C10orf67: variants seen among roughly 807,000 people sequenced by gnomAD.
The protein encoded by C10orf67 is chromosome 10 open reading frame 67, also known as uncharacterized protein C10orf67, mitochondrial.
In C10orf67, 60 loss-of-function variants were observed where a neutral mutation model predicts 35.6. The ratio of observed to expected loss-of-function variants is 1.68; its 90% CI spans 1.37 to 2.09. The LOEUF is 2.09. C10orf67 is among the 30% of genes most tolerant of loss of function. The pLI is 0.00. For missense variants in C10orf67, 474 were observed against 330.2 expected (o/e 1.44, Z -3.38); for synonymous variants, 167 against 115.8 (o/e 1.44, Z -2.84).
At chr10:23,288,392 T>C (rs1843609811) in intron 7 of C10orf67, among the ~76,000 whole-genome samples, 1 of 152,158 alleles carries the variant, frequency 6.6e-6, no homozygotes, top group African/African-American at 2.4e-5. Flanking sequence ...CACCGCATGT[T>C]CTCACTCATA....
chr10:23,310,900 T>C (rs1014065169), intron 4 of C10orf67, among the ~76,000 whole-genome samples: 12 of 152,192 alleles, frequency 7.9e-5, no homozygotes, highest in Non-Finnish European at 1.5e-4. Context: ...GATGATGGGC[T>C]AGTACTGGCC....
intron 7 of C10orf67, among the ~76,000 whole-genome samples, chr10:23,283,632 A>T (rs1335879405): frequency 1.3e-5 from 2 of 151,996 alleles, no homozygotes; most frequent in African/African-American, 4.8e-5. Flanking sequence ...CCTTGCCCTC[A>T]TGTTCTCTTC....
intron 7 of C10orf67, among the ~76,000 whole-genome samples, chr10:23,287,091 C>T (rs780478481): frequency 4.6e-4 from 70 of 152,256 alleles, no homozygotes; most frequent in Non-Finnish European, 8.4e-4. Flanking sequence ...CATCAAACTA[C>T]CATTGACATT....
At position 23,328,079 on chromosome 10, in the gene C10orf67, T is replaced by A. The variant is rs573921809; in HGVS notation, c.327+4983A>T. On this transcript the variant is annotated intron_variant, in intron 2 of 15. Coordinates refer to ENST00000636213, the MANE Select transcript of C10orf67 (RefSeq NM_001371909.1). ...AATTCGAGTATTTAAATTTAAATAC[T>A]AATAAAAATACTATATTTCAAAGTT... 2.4e-3 allele frequency among the ~76,000 whole-genome samples: 364 copies of A among 152,302 alleles called. 4 individuals are homozygous for A. The highest frequency in any genetic ancestry group is 7.7e-4 in the East Asian group (4 of 5,184).
intron 15 of C10orf67, among the ~76,000 whole-genome samples, chr10:23,212,833 T>C (rs1841346651): frequency 7.6e-6 from 1 of 131,678 alleles, no homozygotes; most frequent in South Asian, 2.9e-4. Flanking sequence ...GACGTAAGCA[T>C]GCAAACCTAA....
rs546095610 is a variant in C10orf67 at position 23,330,207 on chromosome 10, C to T, written c.327+2855G>A. Among the ~76,000 whole-genome samples, 14 of 152,224 alleles carry T rather than the reference C, an allele frequency of 9.2e-5. 1 individual carries two copies. In the South Asian group the frequency reaches 2.7e-3, roughly 29 times the overall value. On this transcript the variant is annotated intron_variant, in intron 2 of 15. Transcript: ENST00000636213. The stretch of plus-strand genomic sequence containing the variant: ...GTTTGGTGGCTCATGCCTGTATTCC[C>T]GACACTTTGGGAGGCCAAGGCAGGA...
At position 23,325,583 on chromosome 10, in the gene C10orf67, C is replaced by A. The variant is rs116974387; in HGVS notation, c.328-3046G>T. ...AAAACAAAACCAATAACAACAACAACAAAAAAACTTCAGCATTCTTTAGGG... is the reference window on the plus strand; with the variant it reads ...AAAACAAAACCAATAACAACAACAAAAAAAAAACTTCAGCATTCTTTAGGG... On this transcript the variant is annotated intron_variant, in intron 2 of 15. Coordinates refer to ENST00000636213, the MANE Select transcript of C10orf67 (RefSeq NM_001371909.1). 6.7e-3 allele frequency among the ~76,000 whole-genome samples: 752 copies of A among 112,848 alleles called. 6 individuals are homozygous for A. Among genetic ancestry groups the A allele is most frequent in the East Asian group, 0.044 (156 of 3,532 alleles). The allele number at this position is 112,848 out of a possible 152,430, so 74.0% of individuals were successfully genotyped here. A position where few individuals can be genotyped will look rare whatever the true frequency, so the allele number is the denominator to read the frequency against.
intron 13 of C10orf67, among the ~76,000 whole-genome samples, chr10:23,226,899 G>A (rs1841757884): frequency 6.6e-6 from 1 of 152,148 alleles, no homozygotes; most frequent in African/African-American, 2.4e-5. Flanking sequence ...GGAAGAAGTT[G>A]AATCCCTGAA....
chr10:23,217,209 C>T (rs1169892727), intron 15 of C10orf67, among the ~76,000 whole-genome samples: 1 of 152,076 alleles, frequency 6.6e-6, no homozygotes, highest in African/African-American at 2.4e-5. Flanking sequence ...ATGTGATAAG[C>T]TGAAGATTGA....
intron 15 of C10orf67, among the ~76,000 whole-genome samples, chr10:23,210,110 T>C (rs548666885): frequency 6.6e-6 from 1 of 152,026 alleles, no homozygotes; most frequent in African/African-American, 2.4e-5. Context: ...ATTTGTAAGA[T>C]TCTGGTGACC....
intron 15 of C10orf67, among the ~76,000 whole-genome samples, chr10:23,211,819 G>A (rs191085549): frequency 6.6e-6 from 1 of 152,294 alleles, no homozygotes; most frequent in East Asian, 1.9e-4. Context: ...GGTATAGTGA[G>A]TTCATGATTT....
At chr10:23,285,741 C>A (rs1352084093) in intron 7 of C10orf67, among the ~76,000 whole-genome samples, 1 of 152,150 alleles carries the variant, frequency 6.6e-6, no homozygotes, top group Non-Finnish European at 1.5e-5. Flanking sequence ...TCCAAGTTAT[C>A]AAAAATATAC....
chr10:23,270,699 G>A (rs1180100643), intron 8 of C10orf67, among the ~76,000 whole-genome samples: 1 of 152,260 alleles, frequency 6.6e-6, no homozygotes, highest in African/African-American at 2.4e-5. Context: ...CCCAGGGGGA[G>A]AGGCGGCTGC....
chr10:23,232,977 T>C (rs566202268), intron 13 of C10orf67, among the ~76,000 whole-genome samples: 6 of 152,208 alleles, frequency 3.9e-5, no homozygotes, highest in African/African-American at 1.4e-4. Flanking sequence ...GGCAACATAG[T>C]GAGACTTTGT....
rs1389279534 is a variant in C10orf67 at position 23,284,234 on chromosome 10, CTG to C, written c.910-2158_910-2157del. Among the ~76,000 whole-genome samples the C allele has an allele frequency of 2.6e-5, 4 of 151,534 alleles. No individual in the cohort carries two copies. In the East Asian group the frequency reaches 7.7e-4, roughly 29 times the overall value. ...TCCCCACACCCCTGGTCTCCCCACT[CTG>C]TCTGCCCCACTACAGATTCTTCCTA... On this transcript the variant is annotated intron_variant, in intron 7 of 15. Coordinates refer to ENST00000636213, the MANE Select transcript of C10orf67 (RefSeq NM_001371909.1).
intron 13 of C10orf67, among the ~76,000 whole-genome samples, chr10:23,231,248 C>T (rs900313544): frequency 6.6e-6 from 1 of 152,120 alleles, no homozygotes. Flanking sequence ...CAATTGGATG[C>T]AGTTCTAGGT....
At chr10:23,267,824 C>T (rs941799890) in intron 8 of C10orf67, among the ~76,000 whole-genome samples, 1 of 151,784 alleles carries the variant, frequency 6.6e-6, no homozygotes, top group African/African-American at 2.4e-5. Flanking sequence ...GAGAATCTAC[C>T]CAGGAGGCAG....
At chr10:23,264,146 C>T (rs11013356) in intron 10 of C10orf67, among the ~76,000 whole-genome samples, 14,797 of 152,064 alleles carry the variant, frequency 0.097, 1,718 homozygotes, top group East Asian at 0.66. Context: ...CCAGCTACCT[C>T]CATGGAGTTA....
At chr10:23,275,434 C>A (rs1010610028) in intron 8 of C10orf67, among the ~76,000 whole-genome samples, 8 of 152,306 alleles carry the variant, frequency 5.3e-5, no homozygotes, top group African/African-American at 1.9e-4. Flanking sequence ...GATTGTCCCC[C>A]TTGTGTTGCT....
Sources: gnomAD v4.1 joint callset for allele counts (sites outside exome capture counted in the v4.1 genomes callset) on GRCh38, gnomAD v4.1.1 for gene constraint, MANE v1.5 for transcripts, NCBI Gene and HGNC (gene_info 2026-07-23, HGNC 2026-07-21) for gene names.